Variants in DLC1 observed in about 807,000 individuals in gnomAD.
DLC1 encodes the protein rho GTPase-activating protein 7.
DLC1 carries 54 observed loss-of-function variants against 140.3 expected under a neutral mutation model. The observed-to-expected ratio is 0.38, with a 90% confidence interval of 0.31 to 0.48. The LOEUF (loss-of-function observed/expected upper bound fraction) is 0.48, where lower values mean the gene tolerates loss of function less well. DLC1 is among the 20% of genes least tolerant of loss of function. The pLI, the probability that DLC1 is intolerant of heterozygous loss-of-function variation, is 0.96. For missense variants in DLC1, 2,536 were observed against 1,907.0 expected (o/e 1.33, Z -6.14); for synonymous variants, 986 against 728.1 (o/e 1.35, Z -5.70).
intron 4 of DLC1, among the ~76,000 whole-genome samples, chr8:13,355,859 C>T (rs1218278525): frequency 6.6e-6 from 1 of 151,524 alleles, no homozygotes; most frequent in Non-Finnish European, 1.5e-5. Context: ...CTAAGGTGGG[C>T]AGATCATGAG....
chr8:13,374,940 T>G (rs1192385788), intron 4 of DLC1, among the ~76,000 whole-genome samples: 1 of 152,232 alleles, frequency 6.6e-6, no homozygotes, highest in Non-Finnish European at 1.5e-5. Context: ...CCCAGGTATT[T>G]TATTCTCTTT....
intron 5 of DLC1, among the ~76,000 whole-genome samples, chr8:13,274,103 G>A (rs1256137966): frequency 6.6e-6 from 1 of 152,170 alleles, no homozygotes; most frequent in Non-Finnish European, 1.5e-5. Context: ...TTTCTCTGGT[G>A]TTCAGAGAAG....
intron 1 of DLC1, among the ~76,000 whole-genome samples, chr8:13,577,442 G>A (rs1258249571): frequency 6.6e-6 from 1 of 152,078 alleles, no homozygotes; most frequent in Non-Finnish European, 1.5e-5. Context: ...TTATGGTGAG[G>A]CAGTTCTCTT....
intron 1 of DLC1, among the ~76,000 whole-genome samples, chr8:13,563,803 C>G (rs906545561): frequency 6.6e-6 from 1 of 152,108 alleles, no homozygotes; most frequent in Non-Finnish European, 1.5e-5. Flanking sequence ...TACCTTGCAT[C>G]TGAATGTATT....
chr8:13,257,574 C>G (rs1477825212), intron 5 of DLC1, among the ~76,000 whole-genome samples: 8 of 151,954 alleles, frequency 5.3e-5, no homozygotes, highest in Non-Finnish European at 1.2e-4. Flanking sequence ...AATGTATGAG[C>G]TGATTAAAAT....
At chr8:13,175,128 A>G (rs1339772284) in intron 5 of DLC1, among the ~76,000 whole-genome samples, 1 of 152,074 alleles carries the variant, frequency 6.6e-6, no homozygotes, top group Non-Finnish European at 1.5e-5. Flanking sequence ...TCCCTATCCC[A>G]ATTGCTTGCT....
rs192002366 is a variant in DLC1 at position 13,497,546 on chromosome 8, A to G, written c.1023+1503T>C. Reference sequence around the variant, plus strand: ...CAAAAGGCAACCATGCTATAGTGACATGTCCAAGAGTAAATTCTTTCCAGC... The same window carrying G: ...CAAAAGGCAACCATGCTATAGTGACGTGTCCAAGAGTAAATTCTTTCCAGC... On this transcript the variant is annotated intron_variant, in intron 2 of 17. Transcript: ENST00000276297. Among the ~76,000 whole-genome samples, 53 of 152,360 alleles carry G rather than the reference A, an allele frequency of 3.5e-4. 1 individual carries two copies. The East Asian group carries it at 0.01, about 29-fold the overall frequency.
intron 5 of DLC1, chr8:13,132,904 C>CCCG: frequency 9.6e-6 from 15 of 1,568,282 alleles, no homozygotes; most frequent in Non-Finnish European, 1.3e-5. Context: ...GCAGCCCGCT[C>CCCG]CCGCGGCCAG....
intron 2 of DLC1, among the ~76,000 whole-genome samples, chr8:13,462,569 A>G (rs1008674209): frequency 1.3e-5 from 2 of 150,380 alleles, no homozygotes; most frequent in Non-Finnish European, 3.0e-5. Flanking sequence ...ACGCCCAGCT[A>G]TTTTTTTTTG....
intron 5 of DLC1, among the ~76,000 whole-genome samples, chr8:13,131,702 C>T (rs1822098626): frequency 6.6e-6 from 1 of 152,214 alleles, no homozygotes; most frequent in South Asian, 2.1e-4. Context: ...TGCATGAGCT[C>T]ATTTGATCCT....
chr8:13,401,715 G>A, intron 2 of DLC1, 96 bp from the exon 3 acceptor site: 1 of 1,437,456 alleles, frequency 7.0e-7, no homozygotes, highest in Non-Finnish European at 9.3e-7. Context: ...AAGTACACTG[G>A]ATAATAGGCA....
In DLC1 at chr8:13,352,498, C is replaced by T. The variant is rs534073000; in HGVS notation, c.1314+41055G>A. On this transcript the variant is annotated intron_variant, in intron 4 of 17. Coordinates refer to ENST00000276297, the MANE Select transcript of DLC1 (RefSeq NM_182643.3). ...CTGGGCTCAAGCAGTCCTCCCACCT[C>T]GGCCTCGCAAGTAGCTGGGACTACA... Among the ~76,000 whole-genome samples the T allele has an allele frequency of 9.2e-5, 14 of 152,150 alleles. No homozygotes were observed. The East Asian group carries it at 1.2e-3, about 13-fold the overall frequency.
chr8:13,281,380 A>G (rs949152311), intron 5 of DLC1, among the ~76,000 whole-genome samples: 1 of 152,216 alleles, frequency 6.6e-6, no homozygotes. Context: ...AAAAACTACA[A>G]TGATGATTTT....
At chr8:13,524,300 G>C (rs1802853334) in intron 1 of DLC1, among the ~76,000 whole-genome samples, 1 of 151,576 alleles carries the variant, frequency 6.6e-6, no homozygotes, top group Non-Finnish European at 1.5e-5. Context: ...ACCATACCAA[G>C]CTAATTTTTG....
At chr8:13,475,818 A>G (rs1443476125) in intron 2 of DLC1, among the ~76,000 whole-genome samples, 2 of 152,216 alleles carry the variant, frequency 1.3e-5, no homozygotes, top group Non-Finnish European at 1.5e-5. Flanking sequence ...TGTGATGGGA[A>G]GGAGACTATG....
chr8:13,098,011 C>T (rs1818652150), intron 10 of DLC1, among the ~76,000 whole-genome samples: 1 of 147,020 alleles, frequency 6.8e-6, no homozygotes, highest in African/African-American at 2.5e-5. Flanking sequence ...CGGTGAAACC[C>T]CATCTCTTCA....
intron 6 of DLC1, among the ~76,000 whole-genome samples, chr8:13,112,650 G>C (rs1256932997): frequency 6.6e-6 from 1 of 152,204 alleles, no homozygotes; most frequent in African/African-American, 2.4e-5. Context: ...TAGTAAATGA[G>C]GGAAGACAGG....
intron 11 of DLC1, 27 bp downstream of exon 11, chr8:13,095,059 A>G: frequency 6.2e-7 from 1 of 1,613,926 alleles, no homozygotes; most frequent in East Asian, 2.2e-5. Flanking sequence ...TCCCCTGAGT[A>G]CGTGGACCCG....
At chr8:13,515,880 C>A (rs998213118), upstream of DLC1, among the ~76,000 whole-genome samples, 1 of 152,170 alleles carries the variant, frequency 6.6e-6, no homozygotes, top group African/African-American at 2.4e-5. Context: ...AATACAAACA[C>A]AGAGGAAGCT....
Sources: gnomAD v4.1 joint callset for allele counts (sites outside exome capture counted in the v4.1 genomes callset) on GRCh38, gnomAD v4.1.1 for gene constraint, MANE v1.5 for transcripts, NCBI Gene and HGNC (gene_info 2026-07-23, HGNC 2026-07-21) for gene names.